Variants in GLIS3 observed in about 807,000 individuals in gnomAD.
GLIS3 encodes the protein zinc finger protein GLIS3.
GLIS3 carries 53 observed loss-of-function variants against 78.6 expected under a neutral mutation model. The ratio of observed to expected loss-of-function variants is 0.67; its 90% CI spans 0.54 to 0.85. The LOEUF (loss-of-function observed/expected upper bound fraction) is 0.85. GLIS3 is among the 40% of genes least tolerant of loss of function. The pLI, the probability that GLIS3 is intolerant of heterozygous loss-of-function variation, is 0.00. For missense variants in GLIS3, 1,703 were observed against 1,231.1 expected (o/e 1.38, Z -5.74); for synonymous variants, 684 against 509.9 (o/e 1.34, Z -4.60).
intron 2 of GLIS3, among the ~76,000 whole-genome samples, chr9:4,329,782 T>C (rs952005058): frequency 6.6e-5 from 10 of 152,116 alleles, no homozygotes; most frequent in Non-Finnish European, 2.9e-5. Flanking sequence ...TCACAATCTT[T>C]ACAACGTATT....
At chr9:4,180,235 G>C (rs1374001891) in intron 2 of GLIS3, among the ~76,000 whole-genome samples, 1 of 152,092 alleles carries the variant, frequency 6.6e-6, no homozygotes, top group African/African-American at 2.4e-5. Context: ...AAGAGTATGG[G>C]ACAGTTTCCC....
rs753240256 is a variant in GLIS3 at position 3,828,311 on chromosome 9, GCGGTCCAC to G, written c.2746_2753del (p.Val916LeufsTer3). 287 of 1,613,994 alleles carry G rather than the reference GCGGTCCAC, an allele frequency of 1.8e-4. No homozygotes were observed. The highest frequency in any genetic ancestry group is 2.3e-4 in the Non-Finnish European group (266 of 1,180,020). On this transcript the variant is annotated frameshift_variant, in exon 11 of 11. Coordinates refer to ENST00000381971, the MANE Select transcript of GLIS3 (RefSeq NM_001042413.2). LOFTEE classifies it high-confidence loss of function. ...AGACAGAGGAGAGCTGGCTAGGACA[GCGGTCCAC>G]GGTGCTGATCTGCAAGAAGGTAGCA...
intron 9 of GLIS3, among the ~76,000 whole-genome samples, chr9:3,840,717 T>A (rs898029227): frequency 6.6e-6 from 1 of 152,144 alleles, no homozygotes; most frequent in Admixed American, 6.5e-5. Flanking sequence ...GAGAGATGGG[T>A]CGTAGCATGA....
intron 2 of GLIS3, among the ~76,000 whole-genome samples, chr9:4,222,397 A>G (rs1362404934): frequency 6.6e-6 from 1 of 152,208 alleles, no homozygotes; most frequent in Non-Finnish European, 1.5e-5. Flanking sequence ...ATGCTGATTC[A>G]TCTTAGGACC....
the GLIS3 span, among the ~76,000 whole-genome samples, chr9:4,428,822 T>C: frequency 2.0e-5 from 3 of 152,184 alleles, no homozygotes; most frequent in Non-Finnish European, 2.9e-5. Flanking sequence ...AGGGAAATCA[T>C]TCCTGCCTAC....
At chr9:3,829,862 C>A (rs2129945160) in intron 9 of GLIS3, among the ~76,000 whole-genome samples, 1 of 152,286 alleles carries the variant, frequency 6.6e-6, no homozygotes, top group African/African-American at 2.4e-5. Context: ...CTTTAACTTC[C>A]TTTATCCTAT....
At chr9:4,435,250 C>T in the GLIS3 span, among the ~76,000 whole-genome samples, 1 of 152,194 alleles carries the variant, frequency 6.6e-6, no homozygotes, top group Non-Finnish European at 1.5e-5. Flanking sequence ...CCCCAAATAT[C>T]TGTTTCATAC....
chr9:4,183,156 G>T (rs905128545), intron 2 of GLIS3, among the ~76,000 whole-genome samples: 7 of 152,224 alleles, frequency 4.6e-5, no homozygotes, highest in Non-Finnish European at 8.8e-5. Flanking sequence ...TGAAAGAACA[G>T]TACATGACTT....
At chr9:4,185,983 T>G (rs1817751293) in intron 2 of GLIS3, among the ~76,000 whole-genome samples, 1 of 151,842 alleles carries the variant, frequency 6.6e-6, no homozygotes, top group African/African-American at 2.4e-5. Context: ...TGGCAGAGTT[T>G]TCTTCTTTTT....
chr9:4,461,721 T>C, the GLIS3 span, among the ~76,000 whole-genome samples: 1 of 152,186 alleles, frequency 6.6e-6, no homozygotes. Flanking sequence ...ACGGCTACCA[T>C]CTTCTCTTTT....
chr9:3,884,182 T>A (rs971319977), intron 7 of GLIS3, among the ~76,000 whole-genome samples: 1 of 152,186 alleles, frequency 6.6e-6, no homozygotes. Context: ...TAATCTATAT[T>A]TCTAATGGGT....
chr9:4,265,014 A>G (rs1460574386), intron 2 of GLIS3, among the ~76,000 whole-genome samples: 1 of 151,306 alleles, frequency 6.6e-6, no homozygotes, highest in Non-Finnish European at 1.5e-5. Flanking sequence ...AAAATACAAA[A>G]AAAAAAAATT....
chr9:3,943,101 C>T (rs1480752550), intron 4 of GLIS3, among the ~76,000 whole-genome samples: 1 of 152,116 alleles, frequency 6.6e-6, no homozygotes, highest in South Asian at 2.1e-4. Context: ...GCTTCTCCTT[C>T]GATGGACTTC....
chr9:4,047,990 C>A (rs113854441), intron 4 of GLIS3, among the ~76,000 whole-genome samples: 6 of 152,120 alleles, frequency 3.9e-5, no homozygotes, highest in Non-Finnish European at 7.4e-5. Flanking sequence ...CCAACAATCT[C>A]TGGGTAAGAA....
chr9:4,106,246 G>A (rs886551455), intron 4 of GLIS3, among the ~76,000 whole-genome samples: 2 of 152,184 alleles, frequency 1.3e-5, no homozygotes, highest in African/African-American at 2.4e-5. Context: ...CAGAGAACAG[G>A]TAGAGTTTTC....
At chr9:4,012,850 G>A (rs1474504145) in intron 4 of GLIS3, among the ~76,000 whole-genome samples, 3 of 130,222 alleles carry the variant, frequency 2.3e-5, no homozygotes, top group Non-Finnish European at 4.6e-5. Context: ...TCAGCTCACT[G>A]CAACCTCAAC....
intron 4 of GLIS3, among the ~76,000 whole-genome samples, chr9:4,061,369 T>C (rs540861607): frequency 1.3e-5 from 2 of 152,214 alleles, no homozygotes; most frequent in African/African-American, 4.8e-5. Context: ...TCCAGCTTCA[T>C]CCATGTTCCT....
At chr9:4,309,218 C>G (rs1229982478) in intron 3 of GLIS3, among the ~76,000 whole-genome samples, 1 of 152,174 alleles carries the variant, frequency 6.6e-6, no homozygotes, top group Non-Finnish European at 1.5e-5. Context: ...TCCCTCCAGC[C>G]AAAGCCATTG....
At chr9:3,991,576 T>C (rs920751924) in intron 4 of GLIS3, among the ~76,000 whole-genome samples, 18 of 152,294 alleles carry the variant, frequency 1.2e-4, no homozygotes, top group African/African-American at 4.3e-4. Context: ...GATGGAACTA[T>C]TGATACTTTC....
Sources: allele counts gnomAD v4.1 joint callset (sites outside exome capture counted in the v4.1 genomes callset), GRCh38; gene constraint gnomAD v4.1.1; transcripts MANE v1.5; gene names NCBI Gene and HGNC (gene_info 2026-07-23, HGNC 2026-07-21).